The following BRWD3 variants were observed in gnomAD, a reference collection of about 807,000 sequenced individuals.
BRWD3 encodes the protein bromodomain and WD repeat-containing protein 3.
Under a neutral mutation model 149.7 loss-of-function variants are expected in BRWD3, and 10 were observed. The observed-to-expected ratio is 0.07, with a 90% CI of 0.04 to 0.11. The LOEUF (loss-of-function observed/expected upper bound fraction) is 0.11. Among genes scored for constraint, BRWD3 ranks in the 10% least tolerant of loss-of-function variants. The pLI, the probability that BRWD3 is intolerant of heterozygous loss-of-function variation, is 1.00. For synonymous variants in BRWD3, 504 were observed against 456.7 expected (o/e 1.10, Z -1.32); for missense variants, 940 against 1,373.2 (o/e 0.68, Z 4.99).
intron 19 of BRWD3, 32 bp downstream of exon 19, chrX:80,717,541 A>T (rs771682930): frequency 2.6e-5 from 30 of 1,173,906 alleles, no homozygotes; most frequent in Non-Finnish European, 2.7e-5. Flanking sequence ...AAAGCTTTAA[A>T]TTTTTTTCTA....
chrX:80,695,993 A>G lies in BRWD3; in HGVS notation c.3069-3T>C. 1 of 1,183,883 alleles carries G rather than the reference A, an allele frequency of 8.4e-7. No individual in the cohort carries two copies. The highest frequency in any genetic ancestry group is 1.1e-6 in the Non-Finnish European group (1 of 870,688). On this transcript the variant is annotated splice_region_variant and splice_polypyrimidine_tract_variant and intron_variant, in intron 26 of 40. Coordinates refer to ENST00000373275, the MANE Select transcript of BRWD3 (RefSeq NM_153252.5). ...TGACATCCGGCATGTCATGATACCTATACAGAAAATAAAGCACATATGAAT... is the reference window on the plus strand; with the variant it reads ...TGACATCCGGCATGTCATGATACCTGTACAGAAAATAAAGCACATATGAAT...
At chrX:80,680,306 G>A (rs1379800602) in intron 40 of BRWD3, among the ~76,000 whole-genome samples, 1 of 112,178 alleles carries the variant, frequency 8.9e-6, no homozygotes, top group Non-Finnish European at 1.9e-5. Flanking sequence ...GATAATTGAT[G>A]TCCCTTGTAT....
chrX:80,730,855 G>A (rs1195126730), intron 12 of BRWD3, among the ~76,000 whole-genome samples: 2 of 111,465 alleles, frequency 1.8e-5, no homozygotes, highest in East Asian at 2.8e-4. Context: ...ACTGTATTTC[G>A]TAGATCTATT....
chrX:80,804,024 T>C (rs1054534099), intron 4 of BRWD3, among the ~76,000 whole-genome samples: 1 of 112,504 alleles, frequency 8.9e-6, no homozygotes, highest in Non-Finnish European at 1.9e-5. Context: ...ATCATAGATG[T>C]ATGTATATTT....
At chrX:80,798,625 G>GA (rs200157039) in intron 4 of BRWD3, among the ~76,000 whole-genome samples, 326 of 100,204 alleles carry the variant, frequency 3.3e-3, no homozygotes, top group African/African-American at 5.8e-3. Flanking sequence ...ATAATACGGG[G>GA]AAAAAAAAAA....
At chrX:80,799,032 A>G (rs193291325) in intron 4 of BRWD3, among the ~76,000 whole-genome samples, 1 of 112,096 alleles carries the variant, frequency 8.9e-6, no homozygotes, top group Admixed American at 9.5e-5. Flanking sequence ...TAATGATAGC[A>G]ATCATTAACA....
At chrX:80,721,663 T>C (rs1368431357) in intron 17 of BRWD3, among the ~76,000 whole-genome samples, 1 of 111,274 alleles carries the variant, frequency 9.0e-6, no homozygotes, top group Non-Finnish European at 1.9e-5. Context: ...TGATAGAAAA[T>C]AGCTTATTCC....
intron 6 of BRWD3, among the ~76,000 whole-genome samples, chrX:80,752,156 G>A (rs994157785): frequency 9.2e-6 from 1 of 109,130 alleles, no homozygotes; most frequent in East Asian, 2.9e-4. Flanking sequence ...GGGACCACAG[G>A]TGTGTGCCAC....
intron 6 of BRWD3, among the ~76,000 whole-genome samples, chrX:80,760,989 G>C (rs909835594): frequency 9.0e-6 from 1 of 111,243 alleles, no homozygotes; most frequent in African/African-American, 3.3e-5. Context: ...GAAAGTTGCA[G>C]TGAACTATGA....
intron 11 of BRWD3, 69 bp from the exon 12 acceptor site, chrX:80,733,565 C>G: frequency 2.4e-6 from 2 of 848,914 alleles, no homozygotes; most frequent in East Asian, 6.5e-5. Context: ...CTCTTTCTCT[C>G]AAATTCATAG....
chrX:80,793,715 C>A lies in BRWD3; in HGVS notation c.238G>T (p.Gly80Cys). ...GGGATCTCTTTATCTAGTAAAGGAC[C>A]AATTCTCTCACAAATTTTAAGGAGG... Reference protein sequence around the residue: ...DYLLKICERIGPLLDKEIPQS... With the variant: ...DYLLKICERICPLLDKEIPQS... The change falls in exon 5 of 41, where the codon GGT (glycine) becomes TGT (cysteine). Residue 80 changes from glycine (G) to cysteine (C), a missense_variant. This residue lies in a region of BRWD3 where 105 missense variants were observed against 127.7 expected (regional missense o/e 0.82). Transcript: ENST00000373275. The A allele has an allele frequency of 8.3e-7, 1 of 1,206,315 alleles. No homozygotes were observed. Among genetic ancestry groups the A allele is most frequent in the Non-Finnish European group, 1.1e-6 (1 of 890,848 alleles).
At chrX:80,802,637 C>A (rs780802910) in intron 4 of BRWD3, among the ~76,000 whole-genome samples, 17 of 109,841 alleles carry the variant, frequency 1.5e-4, no homozygotes, top group Non-Finnish European at 3.0e-4. Flanking sequence ...AAAATGCATT[C>A]TTTCACATTT....
At chrX:80,737,789 C>T (rs1602375129) in intron 8 of BRWD3, among the ~76,000 whole-genome samples, 1 of 112,594 alleles carries the variant, frequency 8.9e-6, no homozygotes, top group African/African-American at 3.2e-5. Flanking sequence ...TAGCTGAGAC[C>T]GTACCACCGC....
intron 27 of BRWD3, 128 bp downstream of exon 27, chrX:80,695,780 G>C: frequency 3.7e-6 from 2 of 537,947 alleles, no homozygotes; most frequent in South Asian, 3.1e-5. Flanking sequence ...TTTAACTTAA[G>C]TTTTCTAGTT....
At chrX:80,766,766 G>C (rs1258622988) in intron 6 of BRWD3, among the ~76,000 whole-genome samples, 1 of 112,374 alleles carries the variant, frequency 8.9e-6, no homozygotes, top group Non-Finnish European at 1.9e-5. Flanking sequence ...TGGTTGGACA[G>C]TGGGTGCAGC....
intron 16 of BRWD3, 145 bp from the exon 17 acceptor site, chrX:80,722,932 G>C (rs2073170866): frequency 2.0e-6 from 1 of 509,695 alleles, no homozygotes; most frequent in Non-Finnish European, 3.3e-6. Flanking sequence ...ATTCCCTTTA[G>C]GTAGAAGAGA....
rs1184911100 is a variant in BRWD3 at position 80,791,964 on chromosome X, G to A, written c.332-12C>T. 3 of 1,127,737 alleles carry A rather than the reference G, an allele frequency of 2.7e-6. No homozygotes were observed. The South Asian group carries it at 5.7e-5, about 21-fold the overall frequency. 92.9% of individuals were successfully genotyped at this position (1,127,737 alleles called of 1,213,427 possible). ...TGTACTCTTACAGTCTATATAAAAA[G>A]AACAAAGGTTGCTAAGGAATAGAGC... On this transcript the variant is annotated splice_polypyrimidine_tract_variant and intron_variant, in intron 5 of 40. Coordinates refer to ENST00000373275, the MANE Select transcript of BRWD3 (RefSeq NM_153252.5).
chrX:80,729,529 T>C (rs1323022840), intron 13 of BRWD3, among the ~76,000 whole-genome samples: 1 of 111,692 alleles, frequency 9.0e-6, no homozygotes, highest in African/African-American at 3.2e-5. Flanking sequence ...AAAAATATTA[T>C]AAAAGTGTCC....
At position 80,687,100 on chromosome X, in the gene BRWD3, GTA is replaced by G. The variant is rs3029738; in HGVS notation, c.3865-99_3865-98del. 60,160 of 342,591 alleles carry G rather than the reference GTA, an allele frequency of 0.18. 3,088 individuals are homozygous for G. The highest frequency in any genetic ancestry group is 0.4 in the African/African-American group (13,413 of 33,506). The allele number at this position is 342,591 out of a possible 1,213,427, so 28.2% of individuals were successfully genotyped here. A position where few individuals can be genotyped will look rare whatever the true frequency, so the allele number is the denominator to read the frequency against. Reference sequence around the variant, plus strand: ...TGTTAATATACCTATCTGTATGTGTGTATATATATATATATATATATATGGCA... The same window carrying G: ...TGTTAATATACCTATCTGTATGTGTGTATATATATATATATATATATGGCA... On this transcript the variant is annotated intron_variant, in intron 34 of 40. Coordinates refer to ENST00000373275, the MANE Select transcript of BRWD3 (RefSeq NM_153252.5).
Sources: gnomAD v4.1 joint callset for allele counts (sites outside exome capture counted in the v4.1 genomes callset) on GRCh38, gnomAD v4.1.1 for gene constraint, gnomAD v4.1.1 regional missense constraint, MANE v1.5 for transcripts, NCBI Gene and HGNC (gene_info 2026-07-23, HGNC 2026-07-21) for gene names.